The following DCTD variants were observed in gnomAD, a reference collection of about 807,000 sequenced individuals.
The protein encoded by DCTD is dCMP deaminase, also known as deoxycytidylate deaminase.
DCTD carries 23 observed loss-of-function variants against 21.0 expected under a neutral mutation model. The ratio of observed to expected loss-of-function variants is 1.09; its 90% CI spans 0.79 to 1.55. DCTD has a LOEUF of 1.55. DCTD is among the 40% of genes most tolerant of loss of function. The pLI, the probability that DCTD is intolerant of heterozygous loss-of-function variation, is 0.00. For missense variants in DCTD, 224 were observed against 230.0 expected (o/e 0.97, Z 0.17); for synonymous variants, 71 against 81.1 (o/e 0.88, Z 0.67).
intron 3 of DCTD, among the ~76,000 whole-genome samples, chr4:182,908,480 G>A (rs1410978164): frequency 6.6e-6 from 1 of 152,044 alleles, no homozygotes; most frequent in East Asian, 1.9e-4. Context: ...TCAGGAGTTT[G>A]AGACCAGCCT....
rs1738595558 is a variant in DCTD, at chr4:182,915,594, A to G, written c.-7-19T>C. On this transcript the variant is annotated intron_variant, in intron 1 of 5. Coordinates refer to ENST00000438320, the MANE Select transcript of DCTD (RefSeq NM_001921.3). ...GTTGGGTCTAGAAGAAAAACATGAC[A>G]AAACAGAAGTTGAGAGAAGCATTTT... 3 of 1,498,878 alleles carry G rather than the reference A, an allele frequency of 2.0e-6. No homozygotes were observed. The East Asian group carries it at 6.8e-5, about 34-fold the overall frequency. The allele number at this position is 1,498,878 out of a possible 1,614,324, so 92.8% of individuals were successfully genotyped here.
In DCTD at chr4:182,915,445, C is replaced by A. The variant is rs192942322; in HGVS notation, c.108+16G>T. On this transcript the variant is annotated intron_variant, in intron 2 of 5. Transcript: ENST00000438320. ...GCCTGTGAGTATCTAAGCATTCTCC[C>A]GTGAAATTCATTTACCTGGGAATTT... 3.3e-6 allele frequency: 5 copies of A among 1,507,504 alleles called. No homozygotes were observed. The highest frequency in any genetic ancestry group is 4.6e-6 in the Non-Finnish European group (5 of 1,082,812). 93.4% of individuals were successfully genotyped at this position (1,507,504 alleles called of 1,614,324 possible).
intron 3 of DCTD, among the ~76,000 whole-genome samples, chr4:182,897,594 G>C (rs1247066272): frequency 1.3e-5 from 2 of 151,820 alleles, no homozygotes; most frequent in African/African-American, 4.8e-5. Flanking sequence ...ACTCTAAAAG[G>C]AACAATCCAA....
At chr4:182,892,941 C>A in intron 5 of DCTD, 90 bp downstream of exon 5, 1 of 762,172 alleles carries the variant, frequency 1.3e-6, no homozygotes, top group Non-Finnish European at 2.3e-6. Flanking sequence ...GTGTGGAAGT[C>A]AGGCATCACA....
chr4:182,917,295 G>A lies in DCTD; in HGVS notation c.-8+16C>T. Reference sequence around the variant, plus strand: ...GGCGCGCGGGCCGCGTACCCGCACGGCTGGCCCCCGCCCACCATCCGGTGC... The same window carrying A: ...GGCGCGCGGGCCGCGTACCCGCACGACTGGCCCCCGCCCACCATCCGGTGC... On this transcript the variant is annotated intron_variant, in intron 1 of 5. Transcript: ENST00000438320. This position sits in a 1 kb window ranked among gnomAD's most constrained non-coding sequence, Gnocchi z 4.9. 9.4e-7 allele frequency: 1 copy of A among 1,066,042 alleles called. No homozygotes were observed. Among genetic ancestry groups the A allele is most frequent in the Non-Finnish European group, 1.1e-6 (1 of 883,642 alleles). 66.0% of individuals were successfully genotyped at this position (1,066,042 alleles called of 1,614,324 possible).
rs1738927842 is a variant in DCTD at position 182,917,359 on chromosome 4, C to G, written c.-56G>C. ...AGGCCGGTGCTCGTCCCCGCCGCCG[C>G]CGTGCTCAGGGAAGGAAGTCGGGGG... is the stretch of plus-strand genomic sequence containing the variant. On this transcript the variant is annotated 5_prime_UTR_variant, in exon 1 of 6. Coordinates refer to ENST00000438320, the MANE Select transcript of DCTD (RefSeq NM_001921.3). The surrounding 1 kb of genome is among the most constrained non-coding windows in gnomAD (Gnocchi z 4.9). The G allele has an allele frequency of 1.8e-6, 2 of 1,094,110 alleles. No individual in the cohort carries two copies. The highest frequency in any genetic ancestry group is 2.2e-6 in the Non-Finnish European group (2 of 900,672). The allele number at this position is 1,094,110 out of a possible 1,614,324, so 67.8% of individuals were successfully genotyped here.
intron 5 of DCTD, among the ~76,000 whole-genome samples, chr4:182,892,433 T>C (rs1336416849): frequency 6.6e-6 from 1 of 152,124 alleles, no homozygotes; most frequent in Non-Finnish European, 1.5e-5. Flanking sequence ...TTTGGGAGGC[T>C]GAGGCAGGCA....
intron 1 of DCTD, chr4:182,916,603 C>T (rs1389771841): frequency 4.0e-6 from 4 of 994,938 alleles, no homozygotes; most frequent in Non-Finnish European, 4.8e-6. Flanking sequence ...ATTACGCTGC[C>T]CCACATCTGA....
intron 3 of DCTD, among the ~76,000 whole-genome samples, chr4:182,904,846 T>C (rs144965208): frequency 7.2e-4 from 110 of 152,194 alleles, no homozygotes; most frequent in African/African-American, 2.0e-3. Context: ...CCCCTCTCAG[T>C]CCTTCCTCTT....
chr4:182,900,820 T>C lies in DCTD; in HGVS notation c.245-6215A>G, dbSNP rs75245602. On this transcript the variant is annotated intron_variant, in intron 3 of 5. Coordinates refer to ENST00000438320, the MANE Select transcript of DCTD (RefSeq NM_001921.3). ...AGGCCTTGATTGCCAGAAGAGACTT[T>C]CTGTTTCAGGTAATTATAAGACAAT... is the stretch of plus-strand genomic sequence containing the variant. Among the ~76,000 whole-genome samples, 961 of 151,784 alleles carry C rather than the reference T, an allele frequency of 6.3e-3. 11 individuals are homozygous for C. Among genetic ancestry groups the C allele is most frequent in the Non-Finnish European group, 9.4e-3 (636 of 67,952 alleles).
At chr4:182,894,087 C>A (rs1434634223) in intron 4 of DCTD, among the ~76,000 whole-genome samples, 3 of 152,200 alleles carry the variant, frequency 2.0e-5, no homozygotes, top group Non-Finnish European at 4.4e-5. Flanking sequence ...CCTCAAATAT[C>A]TACCATGTAT....
At chr4:182,894,746 T>G in intron 3 of DCTD, 141 bp from the exon 4 acceptor site, 1 of 671,144 alleles carries the variant, frequency 1.5e-6, no homozygotes, top group South Asian at 1.8e-5. Flanking sequence ...TGGCAAGTCC[T>G]AAGAATACCA....
chr4:182,902,906 G>A (rs928307741), intron 3 of DCTD, among the ~76,000 whole-genome samples: 4 of 152,202 alleles, frequency 2.6e-5, no homozygotes, highest in Non-Finnish European at 4.4e-5. Context: ...GGCACTGCTC[G>A]CAGGTGCAAG....
At chr4:182,902,144 G>A (rs909290503) in intron 3 of DCTD, among the ~76,000 whole-genome samples, 6 of 151,934 alleles carry the variant, frequency 3.9e-5, no homozygotes, top group African/African-American at 7.3e-5. Flanking sequence ...GCCAGCCTCC[G>A]CAGTCCCTAT....
intron 5 of DCTD, among the ~76,000 whole-genome samples, chr4:182,892,561 G>A (rs900079731): frequency 1.3e-5 from 2 of 152,136 alleles, no homozygotes; most frequent in Non-Finnish European, 2.9e-5. Context: ...CCTGAGAAGC[G>A]GAGGTTGCAG....
chr4:182,900,983 G>A lies in DCTD; in HGVS notation c.245-6378C>T, dbSNP rs1735634619. 4.0e-5 allele frequency among the ~76,000 whole-genome samples: 6 copies of A among 151,892 alleles called. No homozygotes were observed. In the South Asian group the frequency reaches 1.0e-3, roughly 26 times the overall value. Reference sequence around the variant, plus strand: ...TTCAAATTCTCTCTTAGTAGGGCTTGATTAATCCTTACTGTCTCATGTAGG... The same window carrying A: ...TTCAAATTCTCTCTTAGTAGGGCTTAATTAATCCTTACTGTCTCATGTAGG... On this transcript the variant is annotated intron_variant, in intron 3 of 5. Transcript: ENST00000438320.
intron 4 of DCTD, among the ~76,000 whole-genome samples, chr4:182,893,368 A>T (rs1734162120): frequency 2.0e-5 from 3 of 152,216 alleles, no homozygotes; most frequent in Admixed American, 2.0e-4. Flanking sequence ...GCAAAGGGAA[A>T]ACATGTCAAG....
chr4:182,891,701 T>C (rs1332360051), intron 5 of DCTD, among the ~76,000 whole-genome samples: 1 of 152,222 alleles, frequency 6.6e-6, no homozygotes, highest in African/African-American at 2.4e-5. Flanking sequence ...TTGTATGTTT[T>C]CAGCTCTCTG....
intron 3 of DCTD, among the ~76,000 whole-genome samples, chr4:182,894,943 C>T (rs1170624792): frequency 2.6e-5 from 4 of 152,234 alleles, no homozygotes; most frequent in East Asian, 3.9e-4. Flanking sequence ...GACACGCACA[C>T]ATGGGGAAGT....
Sources: allele counts gnomAD v4.1 joint callset (sites outside exome capture counted in the v4.1 genomes callset), GRCh38; gene constraint gnomAD v4.1.1; non-coding constraint Gnocchi (gnomAD v3.1); transcripts MANE v1.5; gene names NCBI Gene and HGNC (gene_info 2026-07-23, HGNC 2026-07-21).